SLC25A21: variants seen among roughly 807,000 people sequenced by gnomAD.
SLC25A21 encodes solute carrier family 25 member 21.
A neutral mutation model predicts 43.8 loss-of-function variants in SLC25A21; 47 were observed. The observed-to-expected ratio is 1.07, with a 90% CI of 0.85 to 1.37. SLC25A21 has a LOEUF of 1.37. Among genes scored for constraint, SLC25A21 ranks in the 40% most tolerant of loss-of-function variants. The probability of loss-of-function intolerance (pLI) is 0.00; values close to 1 mark genes in which losing one functional copy is unlikely to be tolerated. For missense variants in SLC25A21, 352 were observed against 350.2 expected, an observed-to-expected ratio of 1.00 and a Z score of -0.04; for synonymous variants, 131 against 121.3, an observed-to-expected ratio of 1.08 and a Z score of -0.52.
intron 2 of SLC25A21, among the ~76,000 whole-genome samples, chr14:36,854,077 C>T (rs530372801): frequency 1.1e-4 from 16 of 152,348 alleles, no homozygotes; most frequent in African/African-American, 3.8e-4. Flanking sequence ...CCCTCCCTCA[C>T]TTATTCATTC....
intron 3 of SLC25A21, among the ~76,000 whole-genome samples, chr14:36,737,674 C>T (rs761394733): frequency 3.3e-5 from 5 of 152,256 alleles, no homozygotes; most frequent in Middle Eastern, 3.4e-3. Flanking sequence ...TAAACACATT[C>T]GTATAATATG....
chr14:37,085,605 C>G (rs1258609884), intron 1 of SLC25A21, among the ~76,000 whole-genome samples: 1 of 152,116 alleles, frequency 6.6e-6, no homozygotes, highest in African/African-American at 2.4e-5. Context: ...ATCAAAATCT[C>G]TTTGTCTAGG....
At chr14:36,854,940 G>GC (rs537415597) in intron 2 of SLC25A21, among the ~76,000 whole-genome samples, 7 of 150,514 alleles carry the variant, frequency 4.7e-5, no homozygotes, top group African/African-American at 1.2e-4. Flanking sequence ...AGGTGGGGGG[G>GC]GGTATTCTGC....
At chr14:37,009,573 T>C (rs1960685115) in intron 1 of SLC25A21, among the ~76,000 whole-genome samples, 1 of 152,162 alleles carries the variant, frequency 6.6e-6, no homozygotes, top group South Asian at 2.1e-4. Flanking sequence ...GAAAAGAAGC[T>C]AGTTTCCATA....
At chr14:37,046,536 C>T (rs1033900986) in intron 1 of SLC25A21, among the ~76,000 whole-genome samples, 43 of 152,180 alleles carry the variant, frequency 2.8e-4, no homozygotes, top group African/African-American at 9.9e-4. Flanking sequence ...TTAAATACCA[C>T]TCCCTACGGT....
intron 3 of SLC25A21, among the ~76,000 whole-genome samples, chr14:36,813,171 A>G (rs1033254671): frequency 2.0e-5 from 3 of 152,128 alleles, no homozygotes; most frequent in African/African-American, 7.2e-5. Flanking sequence ...CCCATCAGCC[A>G]GTCATCTACA....
chr14:37,063,203 C>A (rs2138814810), intron 1 of SLC25A21, among the ~76,000 whole-genome samples: 1 of 152,166 alleles, frequency 6.6e-6, no homozygotes, highest in East Asian at 1.9e-4. Context: ...AACTACAATT[C>A]AAGATGAGAT....
chr14:36,762,100 G>A (rs1296783610), intron 3 of SLC25A21, among the ~76,000 whole-genome samples: 2 of 152,148 alleles, frequency 1.3e-5, no homozygotes, highest in South Asian at 2.1e-4. Context: ...ACATAGCGAA[G>A]GCAACACCAC....
At chr14:36,803,051 C>A (rs1457092346) in intron 3 of SLC25A21, among the ~76,000 whole-genome samples, 1 of 152,198 alleles carries the variant, frequency 6.6e-6, no homozygotes, top group Non-Finnish European at 1.5e-5. Context: ...TTACTCATCA[C>A]CCACATCCAT....
At chr14:37,158,249 G>A (rs11851952) in intron 1 of SLC25A21, among the ~76,000 whole-genome samples, 2,308 of 152,164 alleles carry the variant, frequency 0.015, 51 homozygotes, top group African/African-American at 0.052. Flanking sequence ...GTATCACCCT[G>A]ATACCAAAAC....
chr14:36,755,486 T>G (rs570191991), intron 3 of SLC25A21, among the ~76,000 whole-genome samples: 16 of 152,334 alleles, frequency 1.1e-4, no homozygotes, highest in Admixed American at 3.3e-4. Flanking sequence ...GATCTCTATG[T>G]GACCCAAACT....
intron 3 of SLC25A21, among the ~76,000 whole-genome samples, chr14:36,811,793 C>A (rs1888277012): frequency 6.6e-6 from 1 of 152,076 alleles, no homozygotes; most frequent in Non-Finnish European, 1.5e-5. Context: ...TACCACACTG[C>A]ACATTAAAAA....
At chr14:36,825,067 T>C (rs1407937764) in intron 2 of SLC25A21, among the ~76,000 whole-genome samples, 1 of 152,168 alleles carries the variant, frequency 6.6e-6, no homozygotes, top group African/African-American at 2.4e-5. Flanking sequence ...TGATCTCTTT[T>C]AGCCTTCTCT....
chr14:37,099,843 G>T (rs556993745), intron 1 of SLC25A21, among the ~76,000 whole-genome samples: 3 of 151,940 alleles, frequency 2.0e-5, no homozygotes, highest in Non-Finnish European at 4.4e-5. Flanking sequence ...CATATGGGTG[G>T]TAAGAACCTA....
At chr14:36,710,444 A>G (rs1883803706) in intron 7 of SLC25A21, among the ~76,000 whole-genome samples, 1 of 151,758 alleles carries the variant, frequency 6.6e-6, no homozygotes, top group Admixed American at 6.6e-5. Context: ...AAGAAAGAAA[A>G]AGAAAGAAAC....
At chr14:36,838,610 A>G (rs1235897559) in intron 2 of SLC25A21, among the ~76,000 whole-genome samples, 4 of 152,180 alleles carry the variant, frequency 2.6e-5, no homozygotes, top group Non-Finnish European at 5.9e-5. Context: ...ACAGAAAATC[A>G]ACGTTAGAGA....
chr14:36,951,235 CAAA>C (rs34543759), intron 1 of SLC25A21, among the ~76,000 whole-genome samples: 21 of 131,674 alleles, frequency 1.6e-4, no homozygotes, highest in African/African-American at 3.3e-4. Flanking sequence ...ACTGCCATTA[CAAA>C]AAAAAAAAAA....
intron 1 of SLC25A21, among the ~76,000 whole-genome samples, chr14:37,149,050 C>T (rs1156660210): frequency 1.3e-5 from 2 of 152,140 alleles, no homozygotes; most frequent in Admixed American, 6.5e-5. Context: ...GAATTACAGG[C>T]GTGAGCTATC....
intron 1 of SLC25A21, among the ~76,000 whole-genome samples, chr14:37,108,704 AGTGTGT>A (rs56801840): frequency 0.051 from 7,652 of 149,284 alleles, 382 homozygotes; most frequent in African/African-American, 0.13. Flanking sequence ...AGTTTTGTTA[AGTGTGT>A]GTGTGTGTGT....
Sources: gnomAD v4.1 joint callset for allele counts (sites outside exome capture counted in the v4.1 genomes callset) on GRCh38, gnomAD v4.1.1 for gene constraint, MANE v1.5 for transcripts, NCBI Gene and HGNC (gene_info 2026-07-23, HGNC 2026-07-21) for gene names.